R3HDM1: variants seen among roughly 807,000 people sequenced by gnomAD.
R3HDM1 encodes R3H domain containing 1.
A neutral mutation model predicts 141.1 loss-of-function variants in R3HDM1; 46 were observed. The observed-to-expected ratio is 0.33, with a 90% CI of 0.26 to 0.42. R3HDM1 has a LOEUF of 0.42. Ranked by LOEUF, R3HDM1 falls within the 10% of genes least tolerant of loss-of-function variation. R3HDM1 has a pLI of 1.00. For synonymous variants in R3HDM1, 435 were observed against 472.9 expected (o/e 0.92, Z 1.04); for missense variants, 1,184 against 1,368.3 (o/e 0.87, Z 2.12).
At chr2:135,617,476 A>T (rs2061150213) in intron 5 of R3HDM1, among the ~76,000 whole-genome samples, 1 of 152,002 alleles carries the variant, frequency 6.6e-6, no homozygotes, top group Non-Finnish European at 1.5e-5. Context: ...TTGATAGGTT[A>T]TTTAACGTAA....
At chr2:135,716,810 G>C (rs2076193829) in intron 24 of R3HDM1, among the ~76,000 whole-genome samples, 1 of 152,080 alleles carries the variant, frequency 6.6e-6, no homozygotes, top group African/African-American at 2.4e-5. Context: ...AAACAAGCTG[G>C]GCGTGGTGGC....
intron 1 of R3HDM1, among the ~76,000 whole-genome samples, chr2:135,579,583 A>C: frequency 8.2e-6 from 1 of 121,392 alleles, no homozygotes; most frequent in Admixed American, 7.9e-5. Flanking sequence ...AAAAATGGTA[A>C]CTATGGGGTG....
intron 1 of R3HDM1, chr2:135,586,163 C>T (rs1707863277): frequency 6.6e-6 from 1 of 152,140 alleles, no homozygotes; most frequent in South Asian, 2.1e-4. Flanking sequence ...CTCAAAAATC[C>T]TGACAGTCTT....
chr2:135,641,006 C>A (rs1415982921), intron 14 of R3HDM1, among the ~76,000 whole-genome samples: 1 of 152,110 alleles, frequency 6.6e-6, no homozygotes, highest in African/African-American at 2.4e-5. Context: ...TGGGAAAATG[C>A]TATGCTAGTA....
intron 1 of R3HDM1, among the ~76,000 whole-genome samples, chr2:135,574,776 T>C (rs911898849): frequency 7.9e-5 from 12 of 152,140 alleles, no homozygotes; most frequent in Non-Finnish European, 1.8e-4. Context: ...TTGTGATATT[T>C]CTCTCCCGCT....
intron 2 of R3HDM1, among the ~76,000 whole-genome samples, chr2:135,603,632 G>C (rs62168783): frequency 0.04 from 6,101 of 152,174 alleles, 140 homozygotes; most frequent in African/African-American, 0.049. Context: ...TTTTGTGACA[G>C]AGCCTCACTC....
rs2063204392 is a variant in R3HDM1 at position 135,635,959 on chromosome 2, C to T, written c.768C>T (p.Leu256=). The stretch of plus-strand genomic sequence containing the variant: ...AAGACTTTCAGAAACGTTATATCCT[C>T]AAGAGAGATAACTCTAGCTTTGACA... ...KGEDFQKRYI[L]KRDNSSFDKD... Residue 256 remains leucine, a synonymous_variant, in exon 10 of 27, where the codon CTC becomes CTT. Transcript: ENST00000683871. 6.2e-7 allele frequency: 1 copy of T among 1,611,716 alleles called. No individual in the cohort carries two copies. Among genetic ancestry groups the T allele is most frequent in the Non-Finnish European group, 8.5e-7 (1 of 1,179,228 alleles).
At chr2:135,587,930 C>T (rs938826850) in intron 1 of R3HDM1, among the ~76,000 whole-genome samples, 1 of 151,972 alleles carries the variant, frequency 6.6e-6, no homozygotes, top group Admixed American at 6.6e-5. Context: ...CTCCCCCTCT[C>T]CCTCTACATT....
intron 1 of R3HDM1, chr2:135,590,732 C>T: frequency 1.0e-6 from 1 of 985,266 alleles, no homozygotes; most frequent in Non-Finnish European, 1.2e-6. Context: ...GCAGCAGCAC[C>T]TTCAAGCTGT....
At chr2:135,531,853 G>T (rs1021930880) in intron 1 of R3HDM1, 16 of 985,166 alleles carry the variant, frequency 1.6e-5, no homozygotes, top group Non-Finnish European at 1.8e-5. Context: ...GGTTCCGAGT[G>T]AGCCAGGCTC....
chr2:135,635,432 C>T (rs549156693), intron 9 of R3HDM1, among the ~76,000 whole-genome samples: 69 of 152,242 alleles, frequency 4.5e-4, no homozygotes, highest in Non-Finnish European at 6.8e-4. Flanking sequence ...ATTTGAACCT[C>T]GGTTTGTTCA....
At chr2:135,570,742 A>G (rs1703922475) in intron 1 of R3HDM1, among the ~76,000 whole-genome samples, 1 of 152,238 alleles carries the variant, frequency 6.6e-6, no homozygotes, top group African/African-American at 2.4e-5. Flanking sequence ...GCTTCTTGCC[A>G]GTATTGACAA....
intron 1 of R3HDM1, among the ~76,000 whole-genome samples, chr2:135,565,513 TGCTTTTCTTTAATCAAAAATC>T (rs1232047083): frequency 3.3e-5 from 5 of 151,802 alleles, no homozygotes; most frequent in East Asian, 3.8e-4. Flanking sequence ...TTTTAAAAAT[TGCTTTTCTTTAATCAAAAATC>T]GCTTTTCTTT....
At chr2:135,672,797 T>G (rs889451787) in intron 19 of R3HDM1, among the ~76,000 whole-genome samples, 6 of 151,944 alleles carry the variant, frequency 3.9e-5, no homozygotes, top group Non-Finnish European at 8.8e-5. Flanking sequence ...TAATGGAGAT[T>G]AGGCTGCTTT....
intron 1 of R3HDM1, among the ~76,000 whole-genome samples, chr2:135,576,133 C>T (rs1486648515): frequency 6.6e-6 from 1 of 152,142 alleles, no homozygotes; most frequent in Non-Finnish European, 1.5e-5. Flanking sequence ...CTCAGTGGCT[C>T]ACATCTGTAA....
intron 21 of R3HDM1, among the ~76,000 whole-genome samples, chr2:135,708,413 T>C (rs930224874): frequency 6.6e-6 from 1 of 152,228 alleles, no homozygotes; most frequent in African/African-American, 2.4e-5. Context: ...TTCAGTAGTT[T>C]TGTATAAAGT....
In R3HDM1 at chr2:135,680,151, G is replaced by A. The variant is rs1159176175; in HGVS notation, c.2308-22G>A. 2.5e-6 allele frequency: 4 copies of A among 1,605,730 alleles called. No homozygotes were observed. In the Admixed American group the frequency reaches 6.9e-5, roughly 28 times the overall value. ...GCCTTGAAAAAAACCTTTTTCTCTT[G>A]AAATTGTCTTTCAAATTTTAGGTTT... On this transcript the variant is annotated intron_variant, in intron 20 of 26. Transcript: ENST00000683871.
intron 2 of R3HDM1, among the ~76,000 whole-genome samples, chr2:135,603,045 G>A (rs1008645099): frequency 2.0e-5 from 3 of 152,054 alleles, no homozygotes; most frequent in South Asian, 2.1e-4. Context: ...GCAGTGGCGC[G>A]ATCTTGGCTC....
rs760095967 is a variant in R3HDM1, at chr2:135,641,550, G to T, written c.1234G>T (p.Gly412Cys). 1 of 1,611,384 alleles carries T rather than the reference G, an allele frequency of 6.2e-7. No individual in the cohort carries two copies. Among genetic ancestry groups the T allele is most frequent in the Non-Finnish European group, 8.5e-7 (1 of 1,179,130 alleles). ...RLSKTGSESS[G>C]SVGSSTGSLS... Reference sequence around the variant, plus strand: ...TCCTCTTCTAGGTTCTGAGTCTTCTGGTAGTGTAGGGTCATCTACAGGCTC... The same window carrying T: ...TCCTCTTCTAGGTTCTGAGTCTTCTTGTAGTGTAGGGTCATCTACAGGCTC... Residue 412 changes from glycine (G) to cysteine (C), a missense_variant, in exon 15 of 27, where the codon GGT becomes TGT. This residue lies in a region of R3HDM1 where 240 missense variants were observed against 312.3 expected (regional missense o/e 0.77). Coordinates refer to ENST00000683871, the MANE Select transcript of R3HDM1 (RefSeq NM_001378107.1).
Sources: allele counts gnomAD v4.1 joint callset (sites outside exome capture counted in the v4.1 genomes callset), GRCh38; gene constraint gnomAD v4.1.1; regional missense constraint gnomAD v4.1.1; transcripts MANE v1.5; gene names NCBI Gene and HGNC (gene_info 2026-07-23, HGNC 2026-07-21).